The following SPRED2 variants were observed in gnomAD, a reference collection of about 807,000 sequenced individuals.
The protein encoded by SPRED2 is sprouty-related, EVH1 domain-containing protein 2.
In SPRED2, 47 loss-of-function variants were observed where a neutral mutation model predicts 43.0. The ratio of observed to expected loss-of-function variants is 1.09; its 90% CI spans 0.87 to 1.40. The LOEUF is 1.40. SPRED2 is among the 40% of genes most tolerant of loss of function. SPRED2 has a pLI of 0.00. For synonymous variants in SPRED2, 225 were observed against 225.7 expected (o/e 1.00, Z 0.03); for missense variants, 561 against 586.4 (o/e 0.96, Z 0.45).
intron 1 of SPRED2, among the ~76,000 whole-genome samples, chr2:65,420,389 G>T (rs1439644524): frequency 1.3e-5 from 2 of 152,160 alleles, no homozygotes; most frequent in Non-Finnish European, 1.5e-5. Context: ...CCTCTCACTT[G>T]TTTCAGTCCT....
At chr2:65,383,825 A>C (rs981167860) in intron 1 of SPRED2, among the ~76,000 whole-genome samples, 2 of 152,230 alleles carry the variant, frequency 1.3e-5, no homozygotes, top group African/African-American at 4.8e-5. Flanking sequence ...CCTCAAACTC[A>C]GAGGAAATAG....
At chr2:65,326,970 A>T (rs1446596529) in intron 4 of SPRED2, among the ~76,000 whole-genome samples, 4 of 152,044 alleles carry the variant, frequency 2.6e-5, no homozygotes, top group Admixed American at 2.6e-4. Flanking sequence ...CCTCCCAAGT[A>T]GCTGGGACCA....
chr2:65,318,563 G>T (rs917978627), intron 4 of SPRED2, among the ~76,000 whole-genome samples: 1 of 151,882 alleles, frequency 6.6e-6, no homozygotes, highest in Non-Finnish European at 1.5e-5. Flanking sequence ...GGCTTTTTCT[G>T]ATCTCTAGAT....
intron 1 of SPRED2, chr2:65,377,468 AC>A (rs1014813853): frequency 2.0e-5 from 8 of 404,358 alleles, no homozygotes; most frequent in Admixed American, 1.4e-4. Context: ...CCTCTTGCCG[AC>A]CCCCCAAAGC....
chr2:65,339,645 T>TAGTG (rs1304299713), intron 2 of SPRED2, among the ~76,000 whole-genome samples: 2 of 149,086 alleles, frequency 1.3e-5, no homozygotes, highest in African/African-American at 5.0e-5. Flanking sequence ...TTCCCTCCAC[T>TAGTG]AGTGTCCTAT....
intron 1 of SPRED2, among the ~76,000 whole-genome samples, chr2:65,424,158 G>A (rs1340696541): frequency 1.3e-5 from 2 of 152,154 alleles, no homozygotes; most frequent in African/African-American, 2.4e-5. Context: ...TCCAGGGCTG[G>A]TGGCTTGGGA....
At chr2:65,324,968 G>C (rs1390267297) in intron 4 of SPRED2, among the ~76,000 whole-genome samples, 1 of 152,192 alleles carries the variant, frequency 6.6e-6, no homozygotes, top group Non-Finnish European at 1.5e-5. Context: ...GGAGGCAACA[G>C]TTGGCAAAAA....
intron 1 of SPRED2, among the ~76,000 whole-genome samples, chr2:65,359,144 T>C (rs755964143): frequency 2.6e-5 from 4 of 152,298 alleles, no homozygotes; most frequent in East Asian, 1.9e-4. Context: ...GTCAGGCTCA[T>C]AGGATATAGT....
intron 1 of SPRED2, among the ~76,000 whole-genome samples, chr2:65,380,877 T>C (rs1001635285): frequency 2.0e-5 from 3 of 152,154 alleles, no homozygotes; most frequent in African/African-American, 2.4e-5. Context: ...TTCTATTACA[T>C]GTTATATAGA....
chr2:65,395,010 A>G (rs17475676), intron 1 of SPRED2, among the ~76,000 whole-genome samples: 16,720 of 152,156 alleles, frequency 0.11, 1,376 homozygotes, highest in Non-Finnish European at 0.16. Context: ...TACAAGAGAT[A>G]TCCGGTGGCC....
chr2:65,346,091 C>T (rs184547090), intron 1 of SPRED2, among the ~76,000 whole-genome samples: 6 of 152,266 alleles, frequency 3.9e-5, no homozygotes, highest in East Asian at 1.9e-4. Context: ...TCAGGGAAGA[C>T]GCCCTCACCC....
rs867407217 is a variant in SPRED2 at position 65,316,742 on chromosome 2, G to A, written c.580C>T (p.Leu194Phe). Residue 194 changes from leucine to phenylalanine, a missense_variant, in exon 5 of 6, where the codon CTC becomes TTC. This residue lies in a region of SPRED2 where 305 missense variants were observed against 282.4 expected (regional missense o/e 1.08). Coordinates refer to ENST00000356388, the MANE Select transcript of SPRED2 (RefSeq NM_181784.3). ...HDSYPTDHYHLDQPMPRPYRQ... is the reference protein window; with the variant it reads ...HDSYPTDHYHFDQPMPRPYRQ... ...ACAGGGCTGCTGCTCACCTGATCGA[G>A]GTGATAGTGGTCTGTGGGGTATGAG... 6.2e-7 allele frequency: 1 copy of A among 1,610,488 alleles called. No individual in the cohort carries two copies. The highest frequency in any genetic ancestry group is 2.2e-5 in the East Asian group (1 of 44,836).
intron 1 of SPRED2, among the ~76,000 whole-genome samples, chr2:65,382,249 T>C (rs982176267): frequency 1.3e-5 from 2 of 151,628 alleles, no homozygotes; most frequent in African/African-American, 4.8e-5. Flanking sequence ...AAGGGAAGAG[T>C]TCTGCATTTA....
At chr2:65,310,402 G>C (rs1193298185), downstream of SPRED2, among the ~76,000 whole-genome samples, 1 of 151,844 alleles carries the variant, frequency 6.6e-6, no homozygotes, top group Non-Finnish European at 1.5e-5. Context: ...GCTCGGAGGA[G>C]ACCAAGCATC....
chr2:65,431,982 G>T lies in SPRED2; in HGVS notation c.6C>A (p.Thr2=). M[T]EETHPDDDSY... ...CTTACTCGTCTGGGTGTGTTTCTTC[G>T]GTCATTTTCTTGTTCACCTAGACGC... is the stretch of plus-strand genomic sequence containing the variant. Residue 2 remains threonine (T), a synonymous_variant, in exon 1 of 6, where the codon ACC becomes ACA. Transcript: ENST00000356388. 2.5e-6 allele frequency: 4 copies of T among 1,613,930 alleles called. No individual in the cohort carries two copies. The highest frequency in any genetic ancestry group is 3.4e-6 in the Non-Finnish European group (4 of 1,179,968).
intron 1 of SPRED2, among the ~76,000 whole-genome samples, chr2:65,376,906 G>T (rs898940980): frequency 4.6e-5 from 7 of 152,088 alleles, no homozygotes; most frequent in Non-Finnish European, 8.8e-5. Flanking sequence ...AGTAGAGACG[G>T]GGTTTCACCG....
At position 65,368,090 on chromosome 2, in the gene SPRED2, T is replaced by A. The variant is rs377476752; in HGVS notation, c.27-23194A>T. Among the ~76,000 whole-genome samples, 13 of 152,240 alleles carry A rather than the reference T, an allele frequency of 8.5e-5. No homozygotes were observed. The East Asian group carries it at 1.2e-3, about 14-fold the overall frequency. ...TGACAAGTCACCACAGGAAACAAAA[T>A]AGAGGGGTCACTAAAGCCCAGAGCT... On this transcript the variant is annotated intron_variant, in intron 1 of 5. Transcript: ENST00000356388.
chr2:65,314,491 G>A (rs1243674682), intron 5 of SPRED2, among the ~76,000 whole-genome samples: 1 of 152,204 alleles, frequency 6.6e-6, no homozygotes, highest in Non-Finnish European at 1.5e-5. Flanking sequence ...GGCACAGTGT[G>A]ATGCGTTCTC....
At chr2:65,308,312 C>T (rs1017729963), downstream of SPRED2, 10 of 985,328 alleles carry the variant, frequency 1.0e-5, no homozygotes, top group African/African-American at 3.5e-5. Context: ...CAGAGGCCAC[C>T]GACTTTTTAC....
Sources: gnomAD v4.1 joint callset for allele counts (sites outside exome capture counted in the v4.1 genomes callset) on GRCh38, gnomAD v4.1.1 for gene constraint, gnomAD v4.1.1 regional missense constraint, MANE v1.5 for transcripts, NCBI Gene and HGNC (gene_info 2026-07-23, HGNC 2026-07-21) for gene names.